Variants in CCDC30 observed in about 807,000 individuals in gnomAD.
The protein encoded by CCDC30 is coiled-coil domain containing 30, also known as coiled-coil domain-containing protein 30.
In CCDC30, 70 loss-of-function variants were observed where a neutral mutation model predicts 100.2. The observed-to-expected ratio is 0.70, with a 90% CI of 0.58 to 0.85. CCDC30 has a LOEUF of 0.85. Ranked by LOEUF, CCDC30 falls within the 40% of genes least tolerant of loss-of-function variation. The probability of loss-of-function intolerance (pLI) is 0.00; values close to 1 mark genes in which losing one functional copy is unlikely to be tolerated. For missense variants in CCDC30, 652 were observed against 771.2 expected, an observed-to-expected ratio of 0.85 and a Z score of 1.83; for synonymous variants, 233 against 269.5, an observed-to-expected ratio of 0.86 and a Z score of 1.33.
intron 6 of CCDC30, among the ~76,000 whole-genome samples, chr1:42,543,275 C>T (rs1449382326): frequency 7.0e-6 from 1 of 143,584 alleles, no homozygotes; most frequent in South Asian, 2.2e-4. Context: ...AACTGGCCTT[C>T]TTTTTTTTTT....
At chr1:42,460,415 A>G, upstream of CCDC30, 1 of 984,810 alleles carries the variant, frequency 1.0e-6, no homozygotes, top group African/African-American at 1.7e-5. Context: ...AATGGAAAGG[A>G]TGTTTTGTTT....
At chr1:42,651,571 T>G (rs916812977) in intron 15 of CCDC30, among the ~76,000 whole-genome samples, 10 of 151,876 alleles carry the variant, frequency 6.6e-5, no homozygotes, top group African/African-American at 2.4e-4. Flanking sequence ...ATCAAAAAGA[T>G]GAAAGATAAG....
exon 7 of CCDC30, chr1:42,566,336 G>C (rs1309671869): frequency 6.2e-7 from 1 of 1,613,622 alleles, no homozygotes; most frequent in Non-Finnish European, 8.5e-7. Flanking sequence ...AACCAGCAAG[G>C]GGAAGTACAA....
chr1:42,576,655 C>T (rs575418585), intron 7 of CCDC30, among the ~76,000 whole-genome samples: 1 of 152,248 alleles, frequency 6.6e-6, no homozygotes, highest in South Asian at 2.1e-4. Context: ...AGTTTGGTGT[C>T]ACAGAATGCT....
chr1:42,519,960 AT>A (rs1644611704), intron 6 of CCDC30, among the ~76,000 whole-genome samples: 1 of 152,128 alleles, frequency 6.6e-6, no homozygotes, highest in African/African-American at 2.4e-5. Flanking sequence ...ATCTGTTGTA[AT>A]GCCCTCACTT....
intron 6 of CCDC30, among the ~76,000 whole-genome samples, chr1:42,544,281 C>G (rs1645077323): frequency 6.6e-6 from 1 of 152,134 alleles, no homozygotes; most frequent in African/African-American, 2.4e-5. Flanking sequence ...TATAGAGTAA[C>G]CTTTCAGGAA....
chr1:42,473,260 A>T, intron 1 of CCDC30: 2 of 1,231,612 alleles, frequency 1.6e-6, no homozygotes, highest in Non-Finnish European at 2.0e-6. Context: ...GCTACCACAG[A>T]TGTAGAAGAG....
chr1:42,654,009 A>G, exon 17 of CCDC30: 1 of 1,613,652 alleles, frequency 6.2e-7, no homozygotes, highest in Non-Finnish European at 8.5e-7. Context: ...CAAGAACAAG[A>G]CCAAAAGTCA....
intron 11 of CCDC30, among the ~76,000 whole-genome samples, chr1:42,616,785 A>G (rs79488397): frequency 0.017 from 2,661 of 152,344 alleles, 72 homozygotes; most frequent in African/African-American, 0.061. Context: ...GCCAGCAATG[A>G]CAAGGGAAGC....
intron 6 of CCDC30, among the ~76,000 whole-genome samples, chr1:42,546,688 TG>T (rs1354817524): frequency 1.3e-5 from 2 of 152,004 alleles, no homozygotes; most frequent in Non-Finnish European, 2.9e-5. Flanking sequence ...GATAATTTTT[TG>T]ACCACTTTTC....
At chr1:42,466,535 TTTG>T (rs943696066) in intron 1 of CCDC30, among the ~76,000 whole-genome samples, 8 of 149,392 alleles carry the variant, frequency 5.4e-5, no homozygotes, top group African/African-American at 2.0e-4. Flanking sequence ...GAATAGTTTT[TTTG>T]TTGTTGTTGT....
chr1:42,527,935 G>A (rs12042158), intron 6 of CCDC30, among the ~76,000 whole-genome samples: 36,957 of 151,258 alleles, frequency 0.24, 4,886 homozygotes, highest in South Asian at 0.42. Flanking sequence ...GCGCGATACC[G>A]ACTCACTGGA....
intron 1 of CCDC30, among the ~76,000 whole-genome samples, chr1:42,467,424 T>C (rs976462534): frequency 6.6e-6 from 1 of 152,182 alleles, no homozygotes; most frequent in Non-Finnish European, 1.5e-5. Context: ...ATGAAAGAAG[T>C]ACTGCAAATT....
intron 6 of CCDC30, among the ~76,000 whole-genome samples, chr1:42,564,154 T>C (rs552041375): frequency 5.3e-5 from 8 of 152,204 alleles, no homozygotes; most frequent in Non-Finnish European, 1.2e-4. Flanking sequence ...GAATATCTTA[T>C]CTATTGAATT....
chr1:42,626,303 C>T (rs116762613), intron 11 of CCDC30, among the ~76,000 whole-genome samples: 1,914 of 152,032 alleles, frequency 0.013, 43 homozygotes, highest in African/African-American at 0.043. Flanking sequence ...CTTTTTAATC[C>T]ATTCAGCCAG....
exon 7 of CCDC30, chr1:42,566,308 G>A: frequency 1.2e-6 from 2 of 1,612,738 alleles, no homozygotes. Flanking sequence ...TCCATCATCT[G>A]GAGAAAAACT....
chr1:42,637,296 T>C (rs914459972), exon 12 of CCDC30: 2 of 1,582,720 alleles, frequency 1.3e-6, no homozygotes, highest in African/African-American at 2.8e-5. Flanking sequence ...AAGTATCGTT[T>C]AACTAATGAA....
chr1:42,581,001 G>T, intron 8 of CCDC30: 1 of 357,708 alleles, frequency 2.8e-6, no homozygotes, highest in East Asian at 8.2e-5. Flanking sequence ...ACCACGCCCG[G>T]CTAATTTTTG....
intron 9 of CCDC30, among the ~76,000 whole-genome samples, chr1:42,584,465 A>G (rs1046417836): frequency 6.6e-6 from 1 of 152,008 alleles, no homozygotes; most frequent in African/African-American, 2.4e-5. Flanking sequence ...GGTAGCAGAC[A>G]CATGTTAACC....
Sources: allele counts gnomAD v4.1 joint callset (sites outside exome capture counted in the v4.1 genomes callset), GRCh38; gene constraint gnomAD v4.1.1; transcripts MANE v1.5; gene names NCBI Gene and HGNC (gene_info 2026-07-23, HGNC 2026-07-21).